SLC23A2: variants seen among roughly 807,000 people sequenced by gnomAD.
The protein encoded by SLC23A2 is solute carrier family 23 member 2.
SLC23A2 carries 36 observed loss-of-function variants against 73.3 expected under a neutral mutation model. That is an observed-to-expected ratio of 0.49 (90% CI 0.38 to 0.65). The LOEUF (loss-of-function observed/expected upper bound fraction) is 0.65. SLC23A2 is among the 30% of genes least tolerant of loss of function. The pLI, the probability that SLC23A2 is intolerant of heterozygous loss-of-function variation, is 0.00. For missense variants in SLC23A2, 507 were observed against 841.6 expected (o/e 0.60, Z 4.92); for synonymous variants, 343 against 327.3 (o/e 1.05, Z -0.52).
chr20:4,985,096 C>G (rs1315095818), intron 1 of SLC23A2, among the ~76,000 whole-genome samples: 1 of 148,552 alleles, frequency 6.7e-6, no homozygotes, highest in Non-Finnish European at 1.5e-5. Flanking sequence ...GAGATGGCGC[C>G]ACTGCACTCC....
At chr20:4,873,812 C>G in intron 11 of SLC23A2, 124 bp downstream of exon 11, 1 of 958,056 alleles carries the variant, frequency 1.0e-6, no homozygotes, top group Non-Finnish European at 1.6e-6. Context: ...TAATCCTCTC[C>G]TGACCAGAAT....
chr20:4,933,490 G>A (rs1304015315), intron 2 of SLC23A2, among the ~76,000 whole-genome samples: 2 of 151,972 alleles, frequency 1.3e-5, no homozygotes, highest in Non-Finnish European at 2.9e-5. Flanking sequence ...TCAGCCAGGA[G>A]TGGTGGTGCA....
chr20:4,858,660 T>C (rs985731482), intron 16 of SLC23A2, among the ~76,000 whole-genome samples: 17 of 152,096 alleles, frequency 1.1e-4, no homozygotes, highest in Admixed American at 2.6e-4. Flanking sequence ...CACTTTACAG[T>C]GGCCCACAGC....
At position 4,928,947 on chromosome 20, in the gene SLC23A2, T is replaced by C. The variant is rs184221855; in HGVS notation, c.108+3508A>G. On this transcript the variant is annotated intron_variant, in intron 3 of 16. Coordinates refer to ENST00000338244, the MANE Select transcript of SLC23A2 (RefSeq NM_005116.6). ...AGGCAAGCTTAAAAAGACAAACATT[T>C]CCGTACGCAAGAAACATGTATGGGC... 1.2e-3 allele frequency among the ~76,000 whole-genome samples: 186 copies of C among 152,098 alleles called. 2 individuals are homozygous for C. Among genetic ancestry groups the C allele is most frequent in the African/African-American group, 4.3e-3 (179 of 41,508 alleles).
intron 11 of SLC23A2, among the ~76,000 whole-genome samples, chr20:4,871,035 G>A (rs889788664): frequency 5.9e-5 from 9 of 152,170 alleles, no homozygotes; most frequent in African/African-American, 2.2e-4. Context: ...ATTTGGACTT[G>A]AAAGCCATAG....
At chr20:4,896,140 G>A (rs543323003) in intron 6 of SLC23A2, among the ~76,000 whole-genome samples, 1 of 152,120 alleles carries the variant, frequency 6.6e-6, no homozygotes, top group African/African-American at 2.4e-5. Flanking sequence ...CACGAACATG[G>A]GGTGCAGCAA....
At chr20:4,933,497 T>C (rs1932811640) in intron 2 of SLC23A2, among the ~76,000 whole-genome samples, 1 of 151,192 alleles carries the variant, frequency 6.6e-6, no homozygotes, top group African/African-American at 2.4e-5. Flanking sequence ...GGAGTGGTGG[T>C]GCACGCCTGT....
chr20:4,875,715 C>G (rs893472734), intron 9 of SLC23A2, among the ~76,000 whole-genome samples: 1 of 152,178 alleles, frequency 6.6e-6, no homozygotes, highest in Admixed American at 6.5e-5. Flanking sequence ...TCCCATCCCC[C>G]AGGTGGATTT....
chr20:4,892,094 G>A (rs1251002950), intron 6 of SLC23A2, among the ~76,000 whole-genome samples: 1 of 151,998 alleles, frequency 6.6e-6, no homozygotes, highest in Non-Finnish European at 1.5e-5. Context: ...GAGGAAACAG[G>A]GCTTGGAGAG....
intron 2 of SLC23A2, among the ~76,000 whole-genome samples, chr20:4,968,676 A>G (rs986131933): frequency 2.0e-5 from 3 of 151,976 alleles, no homozygotes; most frequent in African/African-American, 7.2e-5. Context: ...AACTAAGAAA[A>G]CAGGCTTGAC....
chr20:4,972,894 T>C (rs529819332), intron 1 of SLC23A2, among the ~76,000 whole-genome samples: 66 of 152,244 alleles, frequency 4.3e-4, no homozygotes, highest in African/African-American at 1.5e-3. Context: ...TTAAGCTATG[T>C]TTATCAGAAA....
At chr20:4,880,419 G>C (rs1028127528) in intron 9 of SLC23A2, among the ~76,000 whole-genome samples, 1 of 152,122 alleles carries the variant, frequency 6.6e-6, no homozygotes, top group African/African-American at 2.4e-5. Flanking sequence ...AGCCACGGGA[G>C]GGGCAGGTGC....
chr20:4,944,561 C>A (rs2087088871), intron 2 of SLC23A2, among the ~76,000 whole-genome samples: 2 of 152,280 alleles, frequency 1.3e-5, no homozygotes, highest in Non-Finnish European at 2.9e-5. Context: ...TTAACAAATG[C>A]ACAAATATTC....
intron 10 of SLC23A2, 81 bp from the exon 11 acceptor site, chr20:4,874,173 A>G (rs542878067): frequency 1.8e-4 from 251 of 1,376,706 alleles, no homozygotes; most frequent in South Asian, 1.1e-3. Context: ...CGCGGTCGGA[A>G]TATCACACCC....
rs1018158086 is a variant in SLC23A2 at position 4,854,042 on chromosome 20, T to C, written c.*2930A>G. 4 of 152,184 alleles carry C rather than the reference T, an allele frequency of 2.6e-5. No homozygotes were observed. The highest frequency in any genetic ancestry group is 2.6e-4 in the Admixed American group (4 of 15,278). The allele number at this position is 152,184 out of a possible 1,614,324, so 9.4% of individuals were successfully genotyped here. On this transcript the variant is annotated 3_prime_UTR_variant, in exon 17 of 17. Coordinates refer to ENST00000338244, the MANE Select transcript of SLC23A2 (RefSeq NM_005116.6). ...TTCATGTTGGGATTGCCCACACAAATGCTTTCTTTCAGGGACCAGGCAGGT... is the reference window on the plus strand; with the variant it reads ...TTCATGTTGGGATTGCCCACACAAACGCTTTCTTTCAGGGACCAGGCAGGT...
chr20:4,905,898 C>T (rs1005535760), intron 4 of SLC23A2, among the ~76,000 whole-genome samples: 1 of 152,224 alleles, frequency 6.6e-6, no homozygotes. Flanking sequence ...AGATATTAAA[C>T]CAAATTTGGC....
chr20:4,879,286 G>A (rs765893623), intron 9 of SLC23A2, among the ~76,000 whole-genome samples: 1 of 151,822 alleles, frequency 6.6e-6, no homozygotes, highest in Non-Finnish European at 1.5e-5. Flanking sequence ...GCGGATGCCT[G>A]TAATCCCAGC....
chr20:4,966,809 TACACACACACACACACACACAC>T (rs56931121), intron 2 of SLC23A2, among the ~76,000 whole-genome samples: 1 of 109,752 alleles, frequency 9.1e-6, no homozygotes, highest in Non-Finnish European at 2.1e-5. Context: ...TTGATAGTTT[TACACACACACACACACACACAC>T]ACACACACAC....
chr20:4,956,535 C>T (rs939678508), intron 2 of SLC23A2, among the ~76,000 whole-genome samples: 5 of 152,082 alleles, frequency 3.3e-5, no homozygotes, highest in Admixed American at 3.3e-4. Flanking sequence ...ATTCAATTTG[C>T]TTCCAATTAC....
Sources: gnomAD v4.1 joint callset for allele counts (sites outside exome capture counted in the v4.1 genomes callset) on GRCh38, gnomAD v4.1.1 for gene constraint, MANE v1.5 for transcripts, NCBI Gene and HGNC (gene_info 2026-07-23, HGNC 2026-07-21) for gene names.